CLVS1: variants seen among roughly 807,000 people sequenced by gnomAD.
The protein encoded by CLVS1 is clavesin 1.
In CLVS1, 10 loss-of-function variants were observed where a neutral mutation model predicts 33.1. The observed-to-expected ratio is 0.30, with a 90% confidence interval of 0.19 to 0.51. The LOEUF is 0.51. CLVS1 is among the 20% of genes least tolerant of loss of function. The pLI is 0.97. For missense variants in CLVS1, 343 were observed against 433.4 expected (o/e 0.79, Z 1.85); for synonymous variants, 163 against 166.1 (o/e 0.98, Z 0.14).
the CLVS1 span, among the ~76,000 whole-genome samples, chr8:61,029,249 A>G: frequency 6.6e-6 from 1 of 152,208 alleles, no homozygotes; most frequent in East Asian, 1.9e-4. Context: ...ATTTGTCACC[A>G]TCACTTGGCT....
chr8:61,359,545 G>A (rs933555522), intron 2 of CLVS1, among the ~76,000 whole-genome samples: 2 of 151,974 alleles, frequency 1.3e-5, no homozygotes, highest in Admixed American at 1.3e-4. Flanking sequence ...TAGTAGAGAT[G>A]GGGTTTCACC....
intron 2 of CLVS1, among the ~76,000 whole-genome samples, chr8:61,337,372 C>T (rs1811844416): frequency 6.6e-6 from 1 of 152,118 alleles, no homozygotes; most frequent in Non-Finnish European, 1.5e-5. Context: ...TTCATATTTA[C>T]CCTATAATTG....
intron 2 of CLVS1, among the ~76,000 whole-genome samples, chr8:61,149,560 A>AC: frequency 6.7e-6 from 1 of 149,872 alleles, no homozygotes; most frequent in East Asian, 1.9e-4. Flanking sequence ...TCAAAAAAAA[A>AC]AAAAAAAACA....
At chr8:61,328,036 A>G (rs1811448256) in intron 2 of CLVS1, among the ~76,000 whole-genome samples, 1 of 152,216 alleles carries the variant, frequency 6.6e-6, no homozygotes, top group Non-Finnish European at 1.5e-5. Context: ...ACTCTTTGCC[A>G]GTTGCATTTT....
At chr8:61,305,540 A>G (rs1450792019) in intron 2 of CLVS1, among the ~76,000 whole-genome samples, 1 of 152,048 alleles carries the variant, frequency 6.6e-6, no homozygotes, top group Non-Finnish European at 1.5e-5. Flanking sequence ...ATTTTGTTGT[A>G]TGTATATAAA....
the CLVS1 span, among the ~76,000 whole-genome samples, chr8:61,051,423 C>A: frequency 1.3e-5 from 2 of 152,226 alleles, no homozygotes; most frequent in Non-Finnish European, 2.9e-5. Context: ...CCCCTCTAAG[C>A]TGGGAGCCTG....
At chr8:61,424,734 G>A (rs530723287) in intron 3 of CLVS1, among the ~76,000 whole-genome samples, 1 of 152,112 alleles carries the variant, frequency 6.6e-6, no homozygotes, top group Non-Finnish European at 1.5e-5. Flanking sequence ...ATTAGGTAAA[G>A]GTAGCTAAGA....
intron 2 of CLVS1, among the ~76,000 whole-genome samples, chr8:61,306,043 G>A (rs1338738495): frequency 6.6e-6 from 1 of 152,074 alleles, no homozygotes; most frequent in Non-Finnish European, 1.5e-5. Flanking sequence ...TATTCCTTCG[G>A]GTATATATCC....
intron 5 of CLVS1, among the ~76,000 whole-genome samples, chr8:61,461,584 A>T (rs188075195): frequency 8.1e-4 from 124 of 152,344 alleles, no homozygotes; most frequent in African/African-American, 2.9e-3. Context: ...CCATGTGTTT[A>T]ATACTGCATG....
chr8:61,391,536 A>AT (rs1457606029), intron 3 of CLVS1, among the ~76,000 whole-genome samples: 1 of 152,186 alleles, frequency 6.6e-6, no homozygotes, highest in African/African-American at 2.4e-5. Flanking sequence ...CATAAAAATG[A>AT]TTTTTTTCTG....
At chr8:61,260,720 C>A (rs1157431822) in intron 2 of CLVS1, among the ~76,000 whole-genome samples, 1 of 152,156 alleles carries the variant, frequency 6.6e-6, no homozygotes, top group Non-Finnish European at 1.5e-5. Flanking sequence ...CTCCTAGGGC[C>A]CAAGTCCTGT....
the CLVS1 span, among the ~76,000 whole-genome samples, chr8:61,004,523 G>A: frequency 2.0e-5 from 3 of 152,248 alleles, no homozygotes; most frequent in African/African-American, 7.2e-5. Flanking sequence ...CTTTAAAAAT[G>A]TAAGGTTTAG....
chr8:61,499,316 C>T (rs1057276354), intron 5 of CLVS1, 139 bp from the exon 6 acceptor site: 11 of 588,062 alleles, frequency 1.9e-5, no homozygotes, highest in East Asian at 3.1e-5. Flanking sequence ...GCTGGGACTA[C>T]TGGCATGTGC....
intron 1 of CLVS1, among the ~76,000 whole-genome samples, chr8:61,093,010 C>T (rs1463206006): frequency 1.3e-5 from 2 of 152,142 alleles, no homozygotes; most frequent in Non-Finnish European, 2.9e-5. Flanking sequence ...CACCTTAGCT[C>T]CTCACCGCAA....
chr8:61,417,765 C>G (rs1195315523), intron 3 of CLVS1, among the ~76,000 whole-genome samples: 1 of 152,128 alleles, frequency 6.6e-6, no homozygotes, highest in Non-Finnish European at 1.5e-5. Flanking sequence ...TGTGCCAGAG[C>G]TGGGTGCTGT....
At chr8:61,223,881 T>C (rs1808274200) in intron 2 of CLVS1, among the ~76,000 whole-genome samples, 1 of 152,200 alleles carries the variant, frequency 6.6e-6, no homozygotes, top group African/African-American at 2.4e-5. Flanking sequence ...TAGATTCTTT[T>C]TTCTCTATTC....
At chr8:61,052,857 CA>C (rs1804409389), upstream of CLVS1, among the ~76,000 whole-genome samples, 1 of 152,126 alleles carries the variant, frequency 6.6e-6, no homozygotes. Context: ...GAGAGAACAC[CA>C]AAAGAGGACC....
the CLVS1 span, among the ~76,000 whole-genome samples, chr8:61,003,571 G>A: frequency 6.6e-6 from 1 of 152,178 alleles, no homozygotes; most frequent in Admixed American, 6.5e-5. Flanking sequence ...AGAATTTGAT[G>A]GTTTAGCTCT....
At chr8:61,363,148 G>T (rs1813054457) in intron 2 of CLVS1, among the ~76,000 whole-genome samples, 1 of 152,118 alleles carries the variant, frequency 6.6e-6, no homozygotes, top group African/African-American at 2.4e-5. Context: ...ATCTTTCTAA[G>T]CAGTCTTCTC....
Sources: gnomAD v4.1 joint callset for allele counts (sites outside exome capture counted in the v4.1 genomes callset) on GRCh38, gnomAD v4.1.1 for gene constraint, MANE v1.5 for transcripts, NCBI Gene and HGNC (gene_info 2026-07-23, HGNC 2026-07-21) for gene names.